The following NCOR1 variants were observed in gnomAD, a reference collection of about 807,000 sequenced individuals.
NCOR1 encodes nuclear receptor corepressor 1.
Under a neutral mutation model 288.1 loss-of-function variants are expected in NCOR1, and 63 were observed. The ratio of observed to expected loss-of-function variants is 0.22; its 90% CI spans 0.18 to 0.27. The LOEUF is 0.27. NCOR1 is among the 10% of genes least tolerant of loss of function. NCOR1 has a pLI of 1.00. For synonymous variants in NCOR1, 1,007 were observed against 1,065.9 expected, an observed-to-expected ratio of 0.94 and a Z score of 1.08; for missense variants, 2,397 against 3,019.2, an observed-to-expected ratio of 0.79 and a Z score of 4.83.
At position 16,205,735 on chromosome 17, in the gene NCOR1, C is replaced by T. The variant is rs1366835711; in HGVS notation, c.-71+9627G>A. The stretch of plus-strand genomic sequence containing the variant: ...GGTGGATCACCTGAGGTCGAGAGTT[C>T]GAGACCAGCCTGGCCAACACAGAGA... On this transcript the variant is annotated intron_variant, in intron 1 of 45. Coordinates refer to ENST00000268712, the MANE Select transcript of NCOR1 (RefSeq NM_006311.4). 3.3e-5 allele frequency among the ~76,000 whole-genome samples: 5 copies of T among 151,390 alleles called. No individual in the cohort carries two copies. In the East Asian group the frequency reaches 7.8e-4, roughly 23 times the overall value.
rs1318415222 is a variant in NCOR1, at chr17:16,158,811, A to G, written c.681T>C (p.Pro227=). Residue 227 remains proline, a synonymous_variant, in exon 6 of 46, where the codon CCT becomes CCC. Coordinates refer to ENST00000268712, the MANE Select transcript of NCOR1 (RefSeq NM_006311.4). ...PEPEKPVSPP[P]VEQKHRSIVQ... ...CAATACTGCGGTGTTTCTGCTCCAC[A>G]GGAGGAGGGGACACGGGCTTCTCAG... The G allele has an allele frequency of 6.2e-7, 1 of 1,614,124 alleles. No individual in the cohort carries two copies. Among genetic ancestry groups the G allele is most frequent in the Non-Finnish European group, 8.5e-7 (1 of 1,179,990 alleles).
rs551295531 is a variant in NCOR1, at chr17:16,151,220, A to G, written c.842+726T>C. ...GTATAATTTTTTTTTTAAAAAAAAG[A>G]TATCTATCTAGCTTCCTCTCTTACT... On this transcript the variant is annotated intron_variant, in intron 8 of 45. Coordinates refer to ENST00000268712, the MANE Select transcript of NCOR1 (RefSeq NM_006311.4). 8.7e-5 allele frequency among the ~76,000 whole-genome samples: 13 copies of G among 149,532 alleles called. 1 individual carries two copies. The highest frequency in any genetic ancestry group is 8.5e-4 in the South Asian group (4 of 4,718).
intron 31 of NCOR1, among the ~76,000 whole-genome samples, chr17:16,069,526 C>G (rs1206007691): frequency 6.6e-6 from 1 of 152,202 alleles, no homozygotes; most frequent in African/African-American, 2.4e-5. Flanking sequence ...GTAAAAATCA[C>G]TTCTCAACTG....
intron 43 of NCOR1, 93 bp from the exon 44 acceptor site, chr17:16,039,747 G>T: frequency 8.8e-7 from 1 of 1,136,216 alleles, no homozygotes; most frequent in Non-Finnish European, 1.3e-6. Flanking sequence ...AATACACACA[G>T]CACTTGGCAA....
At chr17:16,201,584 C>G (rs766446388) in intron 1 of NCOR1, among the ~76,000 whole-genome samples, 4 of 151,982 alleles carry the variant, frequency 2.6e-5, no homozygotes, top group African/African-American at 4.8e-5. Flanking sequence ...AGCAAGAGAA[C>G]AAGACTCTAT....
chr17:16,205,190 A>G (rs1242286373), intron 1 of NCOR1, among the ~76,000 whole-genome samples: 1 of 152,088 alleles, frequency 6.6e-6, no homozygotes, highest in African/African-American at 2.4e-5. Context: ...ATTGCAATCC[A>G]GCCTGTGCAA....
chr17:16,198,909 T>C (rs1272573827), intron 1 of NCOR1, among the ~76,000 whole-genome samples: 2 of 152,040 alleles, frequency 1.3e-5, no homozygotes, highest in African/African-American at 4.8e-5. Flanking sequence ...AAAAAAAGAT[T>C]TTAACCCAGG....
At chr17:16,042,990 C>T (rs559475826) in intron 42 of NCOR1, among the ~76,000 whole-genome samples, 1 of 152,142 alleles carries the variant, frequency 6.6e-6, no homozygotes, top group Non-Finnish European at 1.5e-5. Context: ...GAGAAAGGGG[C>T]TAAGAAGTGA....
At chr17:16,145,906 T>C (rs1041304683) in intron 10 of NCOR1, among the ~76,000 whole-genome samples, 1 of 152,112 alleles carries the variant, frequency 6.6e-6, no homozygotes, top group Non-Finnish European at 1.5e-5. Context: ...ACTGTGTCCG[T>C]GTGGAGGGAG....
chr17:16,163,446 G>T (rs1165083628), intron 5 of NCOR1, among the ~76,000 whole-genome samples: 1 of 152,016 alleles, frequency 6.6e-6, no homozygotes, highest in Non-Finnish European at 1.5e-5. Context: ...ATATGCAAAT[G>T]AAAACTACAA....
At chr17:16,214,104 T>C (rs147259430) in intron 1 of NCOR1, among the ~76,000 whole-genome samples, 1 of 152,212 alleles carries the variant, frequency 6.6e-6, no homozygotes, top group Admixed American at 6.5e-5. Context: ...CTCCAGTAAC[T>C]TGCGGTTACT....
At chr17:16,109,942 C>T (rs1229014678) in intron 18 of NCOR1, among the ~76,000 whole-genome samples, 1 of 152,198 alleles carries the variant, frequency 6.6e-6, no homozygotes, top group Non-Finnish European at 1.5e-5. Context: ...CCATCTTGGC[C>T]AGGCTGGTCT....
At chr17:16,154,015 CTTTTT>C (rs61436082) in intron 6 of NCOR1, among the ~76,000 whole-genome samples, 12 of 109,682 alleles carry the variant, frequency 1.1e-4, no homozygotes, top group African/African-American at 2.3e-4. Context: ...ATGCTATTTC[CTTTTT>C]TTTTTTTTTT....
intron 28 of NCOR1, among the ~76,000 whole-genome samples, 193 bp downstream of exon 28, chr17:16,073,236 C>A (rs1320406711): frequency 6.6e-6 from 1 of 152,048 alleles, no homozygotes; most frequent in Admixed American, 6.6e-5. Context: ...TTGTTATGTG[C>A]CACTTTATAT....
intron 3 of NCOR1, among the ~76,000 whole-genome samples, chr17:16,173,018 C>T (rs1397206776): frequency 2.6e-5 from 4 of 152,094 alleles, no homozygotes; most frequent in Non-Finnish European, 5.9e-5. Flanking sequence ...GCAACCTCCA[C>T]CTCCCGGATT....
Position 16,070,030 on chromosome 17 carries a change from C to T in NCOR1, c.4513+135G>A, listed in dbSNP as rs2061565335. The T allele has an allele frequency of 2.5e-6, 3 of 1,177,486 alleles. No individual in the cohort carries two copies. In the East Asian group the frequency reaches 7.4e-5, roughly 29 times the overall value. 72.9% of individuals were successfully genotyped at this position (1,177,486 alleles called of 1,614,324 possible). A position where few individuals can be genotyped will look rare whatever the true frequency, so the allele number is the denominator to read the frequency against. On this transcript the variant is annotated intron_variant, in intron 31 of 45. Transcript: ENST00000268712. ...TTTAAATTAGTAGCCTTCCATACTC[C>T]TAGACTCAAGCAAGACCTGTAGATC...
chr17:16,146,470 G>T lies in NCOR1; in HGVS notation c.988C>A (p.Arg330=). The T allele has an allele frequency of 6.2e-7, 1 of 1,613,518 alleles. No individual in the cohort carries two copies. The highest frequency in any genetic ancestry group is 8.5e-7 in the Non-Finnish European group (1 of 1,179,808). The change falls in exon 10 of 46, where the codon CGG becomes AGG. Residue 330 remains arginine (R), a synonymous_variant. Transcript: ENST00000268712. ...KKVDRIENNP[R]RKAKESKTRE... ...GTTTTGCTTTCTTTAGCTTTCCTCC[G>T]AGGATTATTTTCTATTCTGTCCACT...
At chr17:16,125,943 G>T in intron 15 of NCOR1, 139 bp downstream of exon 15, 2 of 483,680 alleles carry the variant, frequency 4.1e-6, no homozygotes, top group Non-Finnish European at 7.0e-6. Context: ...TACACTATTT[G>T]GGCGATGGTA....
chr17:16,154,237 A>C, intron 6 of NCOR1, among the ~76,000 whole-genome samples: 1 of 152,136 alleles, frequency 6.6e-6, no homozygotes, highest in Non-Finnish European at 1.5e-5. Context: ...GTTACCTAGC[A>C]AAAATCTTCC....
Sources: gnomAD v4.1 joint callset for allele counts (sites outside exome capture counted in the v4.1 genomes callset) on GRCh38, gnomAD v4.1.1 for gene constraint, MANE v1.5 for transcripts, NCBI Gene and HGNC (gene_info 2026-07-23, HGNC 2026-07-21) for gene names.